Variants in ARHGAP15 observed in about 807,000 individuals in gnomAD.
The protein encoded by ARHGAP15 is Rho GTPase activating protein 15.
ARHGAP15 carries 51 observed loss-of-function variants against 63.7 expected under a neutral mutation model. The observed-to-expected ratio is 0.80, with a 90% confidence interval of 0.64 to 1.01. ARHGAP15 has a LOEUF of 1.01. Ranked by LOEUF, ARHGAP15 falls within the 50% of genes least tolerant of loss-of-function variation. The probability of loss-of-function intolerance (pLI) is 0.00; values close to 1 mark genes in which losing one functional copy is unlikely to be tolerated. For missense variants in ARHGAP15, 560 were observed against 564.6 expected (o/e 0.99, Z 0.08); for synonymous variants, 191 against 193.8 (o/e 0.99, Z 0.12).
At chr2:143,701,847 T>C (rs954356994) in intron 12 of ARHGAP15, among the ~76,000 whole-genome samples, 1 of 152,294 alleles carries the variant, frequency 6.6e-6, no homozygotes, top group South Asian at 2.1e-4. Flanking sequence ...GTTCCCCAGA[T>C]TAGCTCATAG....
chr2:143,370,079 G>A (rs145949864), intron 6 of ARHGAP15, among the ~76,000 whole-genome samples: 1 of 152,158 alleles, frequency 6.6e-6, no homozygotes, highest in East Asian at 1.9e-4. Context: ...CTTCTTTGGT[G>A]CAAAAGAACT....
intron 6 of ARHGAP15, among the ~76,000 whole-genome samples, chr2:143,298,071 A>C (rs1231386087): frequency 2.0e-5 from 3 of 151,916 alleles, no homozygotes; most frequent in Non-Finnish European, 2.9e-5. Context: ...TCCAGTGGGA[A>C]CCTCTTACTC....
At chr2:143,304,855 G>A (rs549781129) in intron 6 of ARHGAP15, among the ~76,000 whole-genome samples, 35 of 152,140 alleles carry the variant, frequency 2.3e-4, no homozygotes, top group African/African-American at 8.2e-4. Context: ...TGGAGAAATA[G>A]GAATGCTTTT....
intron 6 of ARHGAP15, among the ~76,000 whole-genome samples, chr2:143,426,976 G>A (rs1054003023): frequency 6.6e-6 from 1 of 152,168 alleles, no homozygotes; most frequent in Non-Finnish European, 1.5e-5. Context: ...AGGCATTCAA[G>A]TTGCTGTTTT....
intron 1 of ARHGAP15, among the ~76,000 whole-genome samples, chr2:143,137,108 T>G (rs557107184): frequency 1.3e-5 from 2 of 152,230 alleles, no homozygotes; most frequent in East Asian, 3.9e-4. Flanking sequence ...AGATTCAATC[T>G]CCTTTCATGA....
intron 12 of ARHGAP15, among the ~76,000 whole-genome samples, chr2:143,684,424 C>T (rs1275229778): frequency 6.6e-6 from 1 of 151,894 alleles, no homozygotes; most frequent in Admixed American, 6.6e-5. Context: ...GCTGATCTTG[C>T]AGAAAGTCTT....
chr2:143,418,217 G>A (rs1321148442), intron 6 of ARHGAP15, among the ~76,000 whole-genome samples: 1 of 152,166 alleles, frequency 6.6e-6, no homozygotes, highest in Non-Finnish European at 1.5e-5. Flanking sequence ...GAGTCATCAG[G>A]ACAGCCCCGT....
intron 2 of ARHGAP15, among the ~76,000 whole-genome samples, chr2:143,199,101 G>A (rs373839751): frequency 6.6e-6 from 1 of 152,082 alleles, no homozygotes; most frequent in East Asian, 1.9e-4. Context: ...AAGAGGTTTA[G>A]ATACCAAATG....
In ARHGAP15 at chr2:143,202,215, G is replaced by A; in HGVS notation, c.234+13G>A. On this transcript the variant is annotated intron_variant, in intron 3 of 13. Transcript: ENST00000295095. The stretch of plus-strand genomic sequence containing the variant: ...ATTGGAACAACTGGTGAGTGTTTAA[G>A]TCATTATATTCTTCATCTACTGATA... 5 of 1,598,530 alleles carry A rather than the reference G, an allele frequency of 3.1e-6. No homozygotes were observed. The highest frequency in any genetic ancestry group is 4.3e-6 in the Non-Finnish European group (5 of 1,166,234).
intron 4 of ARHGAP15, among the ~76,000 whole-genome samples, chr2:143,221,187 A>G (rs1692982305): frequency 6.6e-6 from 1 of 152,196 alleles, no homozygotes; most frequent in South Asian, 2.1e-4. Context: ...ATAAATCCAT[A>G]ATAGATCATC....
chr2:143,260,317 T>A (rs1272567972), intron 6 of ARHGAP15, among the ~76,000 whole-genome samples: 1 of 152,140 alleles, frequency 6.6e-6, no homozygotes, highest in African/African-American at 2.4e-5. Context: ...ATCTCTGTAA[T>A]TTTAGTACGG....
chr2:143,185,605 G>A (rs1389802178), intron 2 of ARHGAP15, among the ~76,000 whole-genome samples: 2 of 152,096 alleles, frequency 1.3e-5, no homozygotes, highest in Non-Finnish European at 2.9e-5. Context: ...AAATAATAGA[G>A]ATCCTCATTC....
intron 8 of ARHGAP15, among the ~76,000 whole-genome samples, chr2:143,459,363 C>T (rs1288838165): frequency 6.6e-6 from 1 of 151,974 alleles, no homozygotes; most frequent in African/African-American, 2.4e-5. Flanking sequence ...GCTTTATTTG[C>T]CTTGTTTCCC....
chr2:143,500,960 T>C (rs990942407), intron 9 of ARHGAP15, among the ~76,000 whole-genome samples: 1 of 152,158 alleles, frequency 6.6e-6, no homozygotes. Context: ...ATAAAACATA[T>C]GTGAGGGTCA....
intron 12 of ARHGAP15, among the ~76,000 whole-genome samples, chr2:143,688,971 A>C (rs1683473645): frequency 6.6e-6 from 1 of 152,126 alleles, no homozygotes; most frequent in African/African-American, 2.4e-5. Flanking sequence ...TTCAATATTG[A>C]GGTAGTTTTT....
intron 3 of ARHGAP15, among the ~76,000 whole-genome samples, chr2:143,215,069 T>C (rs1292960984): frequency 1.3e-5 from 2 of 152,196 alleles, no homozygotes; most frequent in African/African-American, 4.8e-5. Context: ...AAGGTACAGT[T>C]TTTTGCCTTT....
At chr2:143,209,707 C>T (rs577980864) in intron 3 of ARHGAP15, among the ~76,000 whole-genome samples, 1 of 152,186 alleles carries the variant, frequency 6.6e-6, no homozygotes, top group South Asian at 2.1e-4. Flanking sequence ...CAGAAAGAAA[C>T]AAGTGCAAGG....
At chr2:143,736,206 T>C (rs1685738837) in intron 13 of ARHGAP15, among the ~76,000 whole-genome samples, 1 of 152,142 alleles carries the variant, frequency 6.6e-6, no homozygotes, top group Non-Finnish European at 1.5e-5. Context: ...GAGACCAGCC[T>C]GACCAACATG....
intron 12 of ARHGAP15, among the ~76,000 whole-genome samples, chr2:143,636,104 G>A (rs549429738): frequency 2.0e-5 from 3 of 152,116 alleles, no homozygotes; most frequent in African/African-American, 7.2e-5. Context: ...TCCAGCAGGT[G>A]AAAGGTTGAC....
Sources: allele counts gnomAD v4.1 joint callset (sites outside exome capture counted in the v4.1 genomes callset), GRCh38; gene constraint gnomAD v4.1.1; transcripts MANE v1.5; gene names NCBI Gene and HGNC (gene_info 2026-07-23, HGNC 2026-07-21).